The following SGCZ variants were observed in gnomAD, a reference collection of about 807,000 sequenced individuals.
The protein encoded by SGCZ is zeta-sarcoglycan.
In SGCZ, 40 loss-of-function variants were observed where a neutral mutation model predicts 41.3. The ratio of observed to expected loss-of-function variants is 0.97; its 90% confidence interval spans 0.75 to 1.26. The LOEUF (loss-of-function observed/expected upper bound fraction) is 1.26, where lower values mean the gene tolerates loss of function less well. Ranked by LOEUF, SGCZ falls within the 50% of genes most tolerant of loss-of-function variation. SGCZ has a pLI of 0.00. For missense variants in SGCZ, 552 were observed against 369.8 expected (o/e 1.49, Z -4.04); for synonymous variants, 206 against 137.5 (o/e 1.50, Z -3.49).
intron 2 of SGCZ, among the ~76,000 whole-genome samples, chr8:14,390,713 T>G (rs1804739807): frequency 6.6e-6 from 1 of 152,002 alleles, no homozygotes; most frequent in Non-Finnish European, 1.5e-5. Flanking sequence ...ATGAAAATAT[T>G]TAGATGCTGA....
At chr8:14,449,320 C>T (rs1800523958) in intron 2 of SGCZ, among the ~76,000 whole-genome samples, 1 of 152,138 alleles carries the variant, frequency 6.6e-6, no homozygotes. Flanking sequence ...ATTTACTTGT[C>T]CACTTATTCT....
intron 2 of SGCZ, among the ~76,000 whole-genome samples, chr8:14,395,880 A>C (rs1798905464): frequency 6.6e-6 from 1 of 152,194 alleles, no homozygotes; most frequent in Non-Finnish European, 1.5e-5. Flanking sequence ...TTACTGCAAA[A>C]AGTATCTGTT....
At chr8:14,652,278 T>A (rs2117458375) in intron 1 of SGCZ, among the ~76,000 whole-genome samples, 1 of 124,828 alleles carries the variant, frequency 8.0e-6, no homozygotes, top group East Asian at 2.3e-4. Flanking sequence ...GAGGTGGAGG[T>A]TGCGGTGAGC....
At chr8:14,371,954 A>G (rs947611882) in intron 2 of SGCZ, among the ~76,000 whole-genome samples, 7 of 152,130 alleles carry the variant, frequency 4.6e-5, no homozygotes, top group African/African-American at 1.7e-4. Context: ...GGGCTGACAT[A>G]AACTGGAGAA....
intron 4 of SGCZ, among the ~76,000 whole-genome samples, chr8:14,203,687 C>T (rs1215301553): frequency 6.6e-6 from 1 of 152,144 alleles, no homozygotes. Flanking sequence ...CTAAATTAAA[C>T]ATGGCCTTTA....
rs143039038 is a variant in SGCZ, at chr8:14,553,663, C to T, written c.234+1069G>A. Among the ~76,000 whole-genome samples the T allele has an allele frequency of 3.3e-4, 50 of 152,026 alleles. 1 individual carries two copies. The highest frequency in any genetic ancestry group is 9.9e-4 in the African/African-American group (41 of 41,492). On this transcript the variant is annotated intron_variant, in intron 2 of 7. Coordinates refer to ENST00000382080, the MANE Select transcript of SGCZ (RefSeq NM_139167.4). ...TAATTGTGGTGCCTTACAACATGGA[C>T]GGCAGCTAGGGTCATTTTCCCTTTT... is the stretch of plus-strand genomic sequence containing the variant.
intron 4 of SGCZ, among the ~76,000 whole-genome samples, chr8:14,170,480 C>T (rs560872807): frequency 2.8e-4 from 42 of 151,948 alleles, no homozygotes; most frequent in Middle Eastern, 3.4e-3. Context: ...AAACTAACAC[C>T]AGGAATGTGA....
At chr8:14,561,183 T>C (rs1229922369) in intron 1 of SGCZ, among the ~76,000 whole-genome samples, 1 of 152,310 alleles carries the variant, frequency 6.6e-6, no homozygotes, top group East Asian at 1.9e-4. Context: ...TTTGAAACTT[T>C]ACAACTTTAG....
chr8:14,283,041 G>C (rs1284690807), intron 3 of SGCZ, among the ~76,000 whole-genome samples: 1 of 150,778 alleles, frequency 6.6e-6, no homozygotes, highest in African/African-American at 2.4e-5. Context: ...AGTAGAGACG[G>C]GGTTTCACCG....
At chr8:14,584,339 G>A (rs1404195096) in intron 1 of SGCZ, among the ~76,000 whole-genome samples, 4 of 152,162 alleles carry the variant, frequency 2.6e-5, no homozygotes, top group Non-Finnish European at 5.9e-5. Flanking sequence ...TGGTAAGTAG[G>A]TTGAGAGTAT....
At chr8:14,429,780 T>A (rs181524562) in intron 2 of SGCZ, among the ~76,000 whole-genome samples, 1 of 152,004 alleles carries the variant, frequency 6.6e-6, no homozygotes, top group Non-Finnish European at 1.5e-5. Flanking sequence ...AACAAAGTTT[T>A]CTTGGACTTG....
chr8:14,635,300 T>G (rs924069589), intron 1 of SGCZ, among the ~76,000 whole-genome samples: 1 of 151,940 alleles, frequency 6.6e-6, no homozygotes, highest in Non-Finnish European at 1.5e-5. Context: ...GGGTCACCTT[T>G]TTAGCCATGA....
At chr8:14,762,035 G>A (rs552646059) in intron 1 of SGCZ, among the ~76,000 whole-genome samples, 2 of 152,228 alleles carry the variant, frequency 1.3e-5, no homozygotes, top group East Asian at 3.9e-4. Flanking sequence ...GGTGACAGTA[G>A]GTGTTGTGAA....
intron 1 of SGCZ, among the ~76,000 whole-genome samples, chr8:15,013,936 A>T (rs1274623162): frequency 1.3e-5 from 2 of 152,192 alleles, no homozygotes; most frequent in Non-Finnish European, 2.9e-5. Flanking sequence ...CTATTATTGT[A>T]ATTGATATTT....
At chr8:14,834,415 A>T (rs751293998) in intron 1 of SGCZ, among the ~76,000 whole-genome samples, 6 of 152,146 alleles carry the variant, frequency 3.9e-5, no homozygotes, top group Non-Finnish European at 8.8e-5. Flanking sequence ...TAAGCCAAAC[A>T]AAGGTTTATT....
intron 1 of SGCZ, among the ~76,000 whole-genome samples, chr8:14,670,360 T>G (rs894013540): frequency 7.9e-5 from 12 of 152,174 alleles, no homozygotes; most frequent in African/African-American, 2.9e-4. Context: ...TCAATTTATA[T>G]CTAATACTGT....
At chr8:14,890,959 A>G (rs1472463508) in intron 1 of SGCZ, among the ~76,000 whole-genome samples, 1 of 152,208 alleles carries the variant, frequency 6.6e-6, no homozygotes, top group Non-Finnish European at 1.5e-5. Context: ...TGTTTATAGC[A>G]TGGTTTACTG....
At chr8:14,787,191 AGGGGCT>A (rs1800796375) in intron 1 of SGCZ, among the ~76,000 whole-genome samples, 1 of 152,170 alleles carries the variant, frequency 6.6e-6, no homozygotes, top group Non-Finnish European at 1.5e-5. Flanking sequence ...CCCCATCTGC[AGGGGCT>A]GTTACAACAA....
chr8:14,738,247 T>A (rs1178333409), intron 1 of SGCZ, among the ~76,000 whole-genome samples: 1 of 152,060 alleles, frequency 6.6e-6, no homozygotes, highest in Non-Finnish European at 1.5e-5. Context: ...CTTATCTAAT[T>A]GACAAGATTT....
Sources: gnomAD v4.1 joint callset for allele counts (sites outside exome capture counted in the v4.1 genomes callset) on GRCh38, gnomAD v4.1.1 for gene constraint, MANE v1.5 for transcripts, NCBI Gene and HGNC (gene_info 2026-07-23, HGNC 2026-07-21) for gene names.